The following SGTB variants were observed in gnomAD, a reference collection of about 807,000 sequenced individuals.
The protein encoded by SGTB is small glutamine-rich tetratricopeptide repeat-containing protein beta.
Under a neutral mutation model 43.9 loss-of-function variants are expected in SGTB, and 19 were observed. The observed-to-expected ratio is 0.43, with a 90% CI of 0.30 to 0.63. SGTB has a LOEUF of 0.63. Among genes scored for constraint, SGTB ranks in the 30% least tolerant of loss-of-function variants. The probability of loss-of-function intolerance (pLI) is 0.12; values close to 1 mark genes in which losing one functional copy is unlikely to be tolerated. For missense variants in SGTB, 304 were observed against 358.9 expected, an observed-to-expected ratio of 0.85 and a Z score of 1.24; for synonymous variants, 116 against 117.3, an observed-to-expected ratio of 0.99 and a Z score of 0.07.
intron 5 of SGTB, among the ~76,000 whole-genome samples, chr5:65,701,637 T>C (rs1170118722): frequency 1.3e-5 from 2 of 149,148 alleles, no homozygotes; most frequent in Non-Finnish European, 3.0e-5. Flanking sequence ...TAAATTTTTT[T>C]TTTTTTTTTT....
At chr5:65,687,662 A>G (rs1036980054) in intron 5 of SGTB, among the ~76,000 whole-genome samples, 1 of 152,208 alleles carries the variant, frequency 6.6e-6, no homozygotes, top group African/African-American at 2.4e-5. Context: ...GTTCTGGTCT[A>G]TTCTGCCTGG....
At chr5:65,705,618 G>A (rs1414417033) in intron 4 of SGTB, among the ~76,000 whole-genome samples, 1 of 152,094 alleles carries the variant, frequency 6.6e-6, no homozygotes, top group African/African-American at 2.4e-5. Flanking sequence ...GAAGAGTGGG[G>A]CATAAATTTC....
At chr5:65,699,767 T>C (rs931588114) in intron 5 of SGTB, among the ~76,000 whole-genome samples, 1 of 152,244 alleles carries the variant, frequency 6.6e-6, no homozygotes. Context: ...CAACTTGTTA[T>C]TGATATAAGA....
chr5:65,690,459 T>C (rs1195641643), intron 5 of SGTB, among the ~76,000 whole-genome samples: 2 of 152,024 alleles, frequency 1.3e-5, no homozygotes, highest in African/African-American at 2.4e-5. Context: ...CTAAAAAAGG[T>C]AGCAGAAAAC....
intron 8 of SGTB, among the ~76,000 whole-genome samples, chr5:65,678,545 C>A (rs1757326112): frequency 6.6e-6 from 1 of 152,136 alleles, no homozygotes; most frequent in Admixed American, 6.5e-5. Context: ...CCAAGGCAAT[C>A]CTAAACAAAA....
At position 65,687,855 on chromosome 5, in the gene SGTB, G is replaced by A. The variant is rs147162399; in HGVS notation, c.375-2383C>T. Among the ~76,000 whole-genome samples the A allele has an allele frequency of 5.0e-4, 76 of 152,258 alleles. 5 individuals are homozygous for A. The East Asian group carries it at 0.013, about 26-fold the overall frequency. ...GCGATCTCGGCTCACTGCAACCTCCGTCTCCCAGGTTCAAGTGATTCTCCT... is the reference window on the plus strand; with the variant it reads ...GCGATCTCGGCTCACTGCAACCTCCATCTCCCAGGTTCAAGTGATTCTCCT... On this transcript the variant is annotated intron_variant, in intron 5 of 10. Coordinates refer to ENST00000381007, the MANE Select transcript of SGTB (RefSeq NM_019072.3).
chr5:65,677,476 T>C (rs779895282), intron 8 of SGTB, among the ~76,000 whole-genome samples: 42 of 152,088 alleles, frequency 2.8e-4, no homozygotes, highest in Non-Finnish European at 5.0e-4. Flanking sequence ...ATCTCCTCCC[T>C]AATTCATTCT....
In SGTB at chr5:65,712,995, G is replaced by A; in HGVS notation, c.170C>T (p.Pro57Leu). ...GGAACTGGTAAACATTTCTGTCAAAGGCTGTGAAACTGCTAGGTGTGTATC... is the reference window on the plus strand; with the variant it reads ...GGAACTGGTAAACATTTCTGTCAAAAGCTGTGAAACTGCTAGGTGTGTATC... ...PEDTHLAVSQ[P>L]LTEMFTSSFC... Residue 57 changes from proline (P) to leucine (L), a missense_variant, in exon 3 of 11, where the codon CCT (proline) becomes CTT (leucine). Transcript: ENST00000381007. 1.2e-6 allele frequency: 2 copies of A among 1,613,694 alleles called. No individual in the cohort carries two copies. The highest frequency in any genetic ancestry group is 8.5e-7 in the Non-Finnish European group (1 of 1,179,822).
At chr5:65,711,543 C>T (rs563497548) in intron 3 of SGTB, among the ~76,000 whole-genome samples, 2 of 152,174 alleles carry the variant, frequency 1.3e-5, no homozygotes, top group African/African-American at 4.8e-5. Flanking sequence ...GCCACAGGCC[C>T]AGACAATGAA....
intron 5 of SGTB, among the ~76,000 whole-genome samples, chr5:65,701,418 C>G (rs1023612788): frequency 2.8e-4 from 38 of 133,542 alleles, no homozygotes; most frequent in Non-Finnish European, 1.2e-4. Context: ...AGTTATTTGT[C>G]AAGTCTGTAA....
At chr5:65,673,498 T>C (rs573049454) in intron 8 of SGTB, among the ~76,000 whole-genome samples, 39 of 152,282 alleles carry the variant, frequency 2.6e-4, no homozygotes, top group African/African-American at 9.4e-4. Flanking sequence ...TATTGTGAAC[T>C]GCGCATGTGA....
rs1415070320 is a variant in SGTB at position 65,707,440 on chromosome 5, A to AT, written c.274+1048dup. ...CACACACACACACACACACACATAT[A>AT]TTTTTTTTTTTTTGAGATGGAGTCT... On this transcript the variant is annotated intron_variant, in intron 4 of 10. Transcript: ENST00000381007. 9.7e-3 allele frequency among the ~76,000 whole-genome samples: 1,228 copies of AT among 126,146 alleles called. 14 individuals carry two copies. Among genetic ancestry groups the AT allele is most frequent in the East Asian group, 0.06 (262 of 4,354 alleles). The allele number at this position is 126,146 out of a possible 152,430, so 82.8% of individuals were successfully genotyped here.
Position 65,680,650 on chromosome 5 carries a change from A to G in SGTB, c.618+6T>C, listed in dbSNP as rs748032293. 4.3e-6 allele frequency: 7 copies of G among 1,613,794 alleles called. No homozygotes were observed. The highest frequency in any genetic ancestry group is 2.5e-6 in the Non-Finnish European group (3 of 1,179,968). ...ATACTTCACTCATTTGGCATTAACA[A>G]CTTACAGGACTGGATACCTCTCTTA... On this transcript the variant is annotated splice_donor_region_variant and intron_variant, in intron 7 of 10. Transcript: ENST00000381007.
chr5:65,684,712 C>G (rs1017539198), intron 6 of SGTB, among the ~76,000 whole-genome samples: 1 of 151,980 alleles, frequency 6.6e-6, no homozygotes, highest in African/African-American at 2.4e-5. Flanking sequence ...ATCACCATGC[C>G]TGGCTAATTT....
upstream of SGTB, chr5:65,722,336 G>A (rs1450062044): frequency 1.3e-6 from 2 of 1,526,184 alleles, no homozygotes; most frequent in South Asian, 2.4e-5. Context: ...CACGCCGAAG[G>A]ACCACGCGCC....
At position 65,685,426 on chromosome 5, in the gene SGTB, C is replaced by T. The variant is rs1474757340; in HGVS notation, c.421G>A (p.Asp141Asn). ...KLGHYTDAIKDCEKAIAIDSK... is the reference protein window; with the variant it reads ...KLGHYTDAIKNCEKAIAIDSK... ...TCAATTGCTATTGCTTTTTCACAAT[C>T]CTTTATCGCATCTGTGTAGTGACCT... The change falls in exon 6 of 11, where the codon GAT becomes AAT. Residue 141 changes from aspartate to asparagine, a missense_variant. Physicochemically the swap from Asp to Asn is conservative, Grantham distance 23. Transcript: ENST00000381007. 1 of 1,614,154 alleles carries T rather than the reference C, an allele frequency of 6.2e-7. No individual in the cohort carries two copies. The highest frequency in any genetic ancestry group is 8.5e-7 in the Non-Finnish European group (1 of 1,180,010).
rs375183866 is a variant in SGTB at position 65,680,814 on chromosome 5, A to G, written c.480-20T>C. 6.2e-7 allele frequency: 1 copy of G among 1,605,186 alleles called. No homozygotes were observed. The highest frequency in any genetic ancestry group is 1.3e-5 in the African/African-American group (1 of 74,506). Reference sequence around the variant, plus strand: ...GCCAGCCTGAAGGGAATAGAATATAAGAATATCAGATATATGATTAAAGAA... The same window carrying G: ...GCCAGCCTGAAGGGAATAGAATATAGGAATATCAGATATATGATTAAAGAA... On this transcript the variant is annotated intron_variant, in intron 6 of 10. Transcript: ENST00000381007.
intron 8 of SGTB, 94 bp from the exon 9 acceptor site, chr5:65,672,375 T>A: frequency 1.4e-6 from 2 of 1,432,564 alleles, no homozygotes; most frequent in Non-Finnish European, 2.0e-6. Context: ...AGCTAAATCA[T>A]GTATGCACTA....
intron 5 of SGTB, among the ~76,000 whole-genome samples, chr5:65,700,547 G>C (rs1175813842): frequency 6.6e-6 from 1 of 151,624 alleles, no homozygotes; most frequent in South Asian, 2.1e-4. Context: ...CACGCGTGGT[G>C]GTGGGCGCCT....
Sources: allele counts gnomAD v4.1 joint callset (sites outside exome capture counted in the v4.1 genomes callset), GRCh38; gene constraint gnomAD v4.1.1; transcripts MANE v1.5; gene names NCBI Gene and HGNC (gene_info 2026-07-23, HGNC 2026-07-21).